The following SLC1A5 variants were observed in gnomAD, a reference collection of about 807,000 sequenced individuals.
The protein encoded by SLC1A5 is neutral amino acid transporter B(0).
In SLC1A5, 25 loss-of-function variants were observed where a neutral mutation model predicts 34.9. The observed-to-expected ratio is 0.72, with a 90% CI of 0.52 to 1.00. The LOEUF (loss-of-function observed/expected upper bound fraction) is 1.00. SLC1A5 is among the 50% of genes least tolerant of loss of function. SLC1A5 has a pLI of 0.00. For missense variants in SLC1A5, 637 were observed against 740.0 expected, an observed-to-expected ratio of 0.86 and a Z score of 1.61; for synonymous variants, 351 against 341.2, an observed-to-expected ratio of 1.03 and a Z score of -0.32.
rs570541603 is a variant in SLC1A5, at chr19:46,778,138, A to G, written c.1058+537T>C. 3.9e-5 allele frequency among the ~76,000 whole-genome samples: 6 copies of G among 152,294 alleles called. No individual in the cohort carries two copies. The South Asian group carries it at 1.2e-3, about 32-fold the overall frequency. ...CTGAGGTTGAATCAGAGCAGAACTT[A>G]AGAGCCCCCCAGGGGCATGGCAGCT... On this transcript the variant is annotated intron_variant, in intron 5 of 7. Transcript: ENST00000542575.
chr19:46,782,455 T>C lies in SLC1A5; in HGVS notation c.752A>G (p.Glu251Gly), dbSNP rs530038611. 1 of 1,612,852 alleles carries C rather than the reference T, an allele frequency of 6.2e-7. No homozygotes were observed. Among genetic ancestry groups the C allele is most frequent in the South Asian group, 1.1e-5 (1 of 91,036 alleles). The part of the protein sequence containing the change: ...FGVALRKLGP[E>G]GELLIRFFNS... ...GAAGAAGCGGATAAGCAGCTCCCCTTCAGGCCCCAGCTTCCGCAGCGCCAC... is the reference window on the plus strand; with the variant it reads ...GAAGAAGCGGATAAGCAGCTCCCCTCCAGGCCCCAGCTTCCGCAGCGCCAC... Residue 251 changes from glutamate to glycine, a missense_variant, in exon 4 of 8, where the codon GAA becomes GGA. Physicochemically the swap from Glu to Gly is moderately conservative, Grantham distance 98 (BLOSUM62 -2). Coordinates refer to ENST00000542575, the MANE Select transcript of SLC1A5 (RefSeq NM_005628.3).
At chr19:46,784,010 A>G in intron 3 of SLC1A5, 87 bp downstream of exon 3, 1 of 1,006,362 alleles carries the variant, frequency 9.9e-7, no homozygotes, top group African/African-American at 1.6e-5. Flanking sequence ...ATCAAATTCC[A>G]CAGCAAAGAC....
At chr19:46,785,473 C>T (rs2055180070) in intron 1 of SLC1A5, among the ~76,000 whole-genome samples, 1 of 152,210 alleles carries the variant, frequency 6.6e-6, no homozygotes, top group Non-Finnish European at 1.5e-5. Flanking sequence ...CCATTTCATC[C>T]TCACGACAGC....
Position 46,782,365 on chromosome 19 carries a change from T to TCCCCC in SLC1A5, c.824+17_824+18insGGGGG. The TCCCCC allele has an allele frequency of 3.3e-6, 1 of 307,052 alleles. No homozygotes were observed. Among genetic ancestry groups the TCCCCC allele is most frequent in the Non-Finnish European group, 5.0e-6 (1 of 198,728 alleles). 19.0% of individuals were successfully genotyped at this position (307,052 alleles called of 1,614,324 possible). A position where few individuals can be genotyped will look rare whatever the true frequency, so the allele number is the denominator to read the frequency against. On this transcript the variant is annotated intron_variant, in intron 4 of 7. Transcript: ENST00000542575. ...CCTCCAACCCCACCCACCCCCAGCC[T>TCCCCC]CCTCTCCCACCACCTACCACATGAT...
At chr19:46,778,520 C>G (rs2055116614) in intron 5 of SLC1A5, among the ~76,000 whole-genome samples, 155 bp downstream of exon 5, 1 of 152,152 alleles carries the variant, frequency 6.6e-6, no homozygotes, top group South Asian at 2.1e-4. Flanking sequence ...CATTTCCTAT[C>G]TTTTTAAGGG....
rs370723827 is a variant in SLC1A5, at chr19:46,787,086, G to A, written c.566+314C>T. On this transcript the variant is annotated intron_variant, in intron 1 of 7. Transcript: ENST00000542575. The surrounding 1 kb of genome is among the most constrained non-coding windows in gnomAD (Gnocchi z 5.2). ...CCACGCAAAGATTCCCCCCGCAAAA[G>A]TTCCTCCTGGGGTCCCCTCCCCTCA... Among the ~76,000 whole-genome samples, 1 of 151,996 alleles carries A rather than the reference G, an allele frequency of 6.6e-6. No homozygotes were observed. The highest frequency in any genetic ancestry group is 1.5e-5 in the Non-Finnish European group (1 of 67,992).
intron 4 of SLC1A5, among the ~76,000 whole-genome samples, chr19:46,782,178 G>A (rs748048757): frequency 2.0e-4 from 30 of 152,044 alleles, no homozygotes; most frequent in Non-Finnish European, 3.4e-4. Context: ...TTTTATAGAT[G>A]AGGAAACTGA....
chr19:46,787,794 T>A lies in SLC1A5; in HGVS notation c.172A>T (p.Thr58Ser), dbSNP rs2055197774. Residue 58 changes from threonine (T) to serine (S), a missense_variant, in exon 1 of 8, where the codon ACA (threonine) becomes TCA (serine). Physicochemically the swap from Thr to Ser is moderately conservative, Grantham distance 58 (BLOSUM62 1). Coordinates refer to ENST00000542575, the MANE Select transcript of SLC1A5 (RefSeq NM_005628.3). The surrounding 1 kb of genome is among the most constrained non-coding windows in gnomAD (Gnocchi z 5.2). ...ACGCCGGCCACCACGGCCACCACTGTCAGCAGCACAAGCAGGTTGGCTCGA... is the reference window on the plus strand; with the variant it reads ...ACGCCGGCCACCACGGCCACCACTGACAGCAGCACAAGCAGGTTGGCTCGA... ...CLRANLLVLLTVVAVVAGVAL... is the reference protein window; with the variant it reads ...CLRANLLVLLSVVAVVAGVAL... 4.5e-6 allele frequency: 7 copies of A among 1,551,354 alleles called. No individual in the cohort carries two copies. The highest frequency in any genetic ancestry group is 6.1e-6 in the Non-Finnish European group (7 of 1,149,448).
At chr19:46,784,323 C>T (rs974841493) in intron 2 of SLC1A5, among the ~76,000 whole-genome samples, 179 bp from the exon 3 acceptor site, 2 of 152,062 alleles carry the variant, frequency 1.3e-5, no homozygotes, top group South Asian at 2.1e-4. Context: ...GGTGGAAAAC[C>T]GAGGCTCAGA....
intron 4 of SLC1A5, 38 bp downstream of exon 4, chr19:46,782,345 A>ACCCCCCCCCCCCCCCCCCC: frequency 3.1e-5 from 9 of 292,422 alleles, no homozygotes; most frequent in East Asian, 2.9e-4. Flanking sequence ...CCGACCCTCC[A>ACCCCCCCCCCCCCCCCCCC]ACCCCACCCA....
intron 3 of SLC1A5, among the ~76,000 whole-genome samples, chr19:46,783,800 C>T (rs2055165933): frequency 6.6e-6 from 1 of 151,592 alleles, no homozygotes; most frequent in African/African-American, 2.4e-5. Flanking sequence ...AAAACAACAA[C>T]AAAAACCTCT....
intron 1 of SLC1A5, among the ~76,000 whole-genome samples, chr19:46,786,826 GC>G (rs1380530624): frequency 6.6e-6 from 1 of 152,184 alleles, no homozygotes; most frequent in Non-Finnish European, 1.5e-5. Flanking sequence ...GGGTGGCAGG[GC>G]TGATCTAAAA....
Position 46,775,451 on chromosome 19 carries a change from C to T in SLC1A5, c.*59G>A. On this transcript the variant is annotated 3_prime_UTR_variant, in exon 8 of 8. Coordinates refer to ENST00000542575, the MANE Select transcript of SLC1A5 (RefSeq NM_005628.3). ...CCCTAGCTCATCCATTTATCCATTC[C>T]TCATAATCCAGTGTCCAAAGAGCAC... 1.9e-6 allele frequency: 3 copies of T among 1,549,784 alleles called. No individual in the cohort carries two copies. Among genetic ancestry groups the T allele is most frequent in the Non-Finnish European group, 2.6e-6 (3 of 1,150,030 alleles).
Position 46,787,397 on chromosome 19 carries a change from G to A in SLC1A5, c.566+3C>T. ...CCCACCTCCCGGGGGAGCGGGAGCTGACCTCGCAAGATCCAGGAACGAATC... is the reference window on the plus strand; with the variant it reads ...CCCACCTCCCGGGGGAGCGGGAGCTAACCTCGCAAGATCCAGGAACGAATC... On this transcript the variant is annotated splice_donor_region_variant and intron_variant, in intron 1 of 7. Coordinates refer to ENST00000542575, the MANE Select transcript of SLC1A5 (RefSeq NM_005628.3). The surrounding 1 kb of genome is among the most constrained non-coding windows in gnomAD (Gnocchi z 5.2). The A allele has an allele frequency of 6.3e-7, 1 of 1,592,110 alleles. No individual in the cohort carries two copies.
intron 5 of SLC1A5, among the ~76,000 whole-genome samples, chr19:46,777,853 T>G (rs912879199): frequency 2.0e-5 from 3 of 148,740 alleles, no homozygotes; most frequent in African/African-American, 7.5e-5. Context: ...CAGCCCTCAC[T>G]TGCTATATCT....
rs761145450 is a variant in SLC1A5 at position 46,778,843 on chromosome 19, A to C, written c.890T>G (p.Leu297Ter). ...GTACTTGCCAAGGCGGGCAAAGAGTAAACCCACATCCTCCATCTCCACGAT... is the reference window on the plus strand; with the variant it reads ...GTACTTGCCAAGGCGGGCAAAGAGTCAACCCACATCCTCCATCTCCACGAT... The part of the protein sequence containing the change: ...GKIVEMEDVG[L>*]LFARLGKYIL... Residue 297 changes from leucine to a stop codon, truncating the protein, a stop_gained, in exon 5 of 8, where the codon TTA becomes TGA. Coordinates refer to ENST00000542575, the MANE Select transcript of SLC1A5 (RefSeq NM_005628.3). LOFTEE classifies it high-confidence loss of function. 36 of 1,608,264 alleles carry C rather than the reference A, an allele frequency of 2.2e-5. No homozygotes were observed. Among genetic ancestry groups the C allele is most frequent in the Non-Finnish European group, 2.9e-5 (34 of 1,176,976 alleles).
intron 1 of SLC1A5, among the ~76,000 whole-genome samples, chr19:46,785,948 C>A (rs2055182869): frequency 6.6e-6 from 1 of 151,314 alleles, no homozygotes; most frequent in African/African-American, 2.4e-5. Flanking sequence ...GGCGTGGTGG[C>A]ACACGGAAGG....
In SLC1A5 at chr19:46,787,299, G is replaced by T; in HGVS notation, c.566+101C>A. The T allele has an allele frequency of 2.0e-6, 3 of 1,507,678 alleles. No individual in the cohort carries two copies. Among genetic ancestry groups the T allele is most frequent in the Non-Finnish European group, 2.7e-6 (3 of 1,126,348 alleles). 93.4% of individuals were successfully genotyped at this position (1,507,678 alleles called of 1,614,324 possible). Reference sequence around the variant, plus strand: ...TCGAGTTTTCCTAAGACTCTAGAGGGAAGTCTCTGCTCCAGGGGCCCCAAA... The same window carrying T: ...TCGAGTTTTCCTAAGACTCTAGAGGTAAGTCTCTGCTCCAGGGGCCCCAAA... On this transcript the variant is annotated intron_variant, in intron 1 of 7. Coordinates refer to ENST00000542575, the MANE Select transcript of SLC1A5 (RefSeq NM_005628.3). This position sits in a 1 kb window ranked among gnomAD's most constrained non-coding sequence, Gnocchi z 5.2.
intron 4 of SLC1A5, among the ~76,000 whole-genome samples, chr19:46,779,511 G>T (rs2055128348): frequency 6.6e-6 from 1 of 151,048 alleles, no homozygotes; most frequent in Non-Finnish European, 1.5e-5. Context: ...GAGACAGAAA[G>T]AAATGTCCAT....
Sources: allele counts gnomAD v4.1 joint callset (sites outside exome capture counted in the v4.1 genomes callset), GRCh38; gene constraint gnomAD v4.1.1; non-coding constraint Gnocchi (gnomAD v3.1); transcripts MANE v1.5; gene names NCBI Gene and HGNC (gene_info 2026-07-23, HGNC 2026-07-21).